The following RASA2 variants were observed in gnomAD, a reference collection of about 807,000 sequenced individuals.
RASA2 encodes ras GTPase-activating protein 2.
Under a neutral mutation model 118.2 loss-of-function variants are expected in RASA2, and 155 were observed. The ratio of observed to expected loss-of-function variants is 1.31; its 90% CI spans 1.15 to 1.50. RASA2 has a LOEUF of 1.50. Among genes scored for constraint, RASA2 ranks in the 40% most tolerant of loss-of-function variants. The pLI is 0.00. For synonymous variants in RASA2, 353 were observed against 349.1 expected (o/e 1.01, Z -0.12); for missense variants, 1,016 against 1,009.6 (o/e 1.01, Z -0.09).
At chr3:141,529,851 TA>T in intron 4 of RASA2, 49 bp downstream of exon 4, 1 of 1,397,874 alleles carries the variant, frequency 7.2e-7, no homozygotes, top group Non-Finnish European at 1.0e-6. Context: ...AGGAAATGAG[TA>T]AAAAATGAAC....
At chr3:141,513,224 T>A (rs1296010197) in intron 2 of RASA2, among the ~76,000 whole-genome samples, 1 of 151,400 alleles carries the variant, frequency 6.6e-6, no homozygotes, top group South Asian at 2.1e-4. Context: ...TTTAAAAAAA[T>A]ATCTTTCTTT....
intron 4 of RASA2, among the ~76,000 whole-genome samples, chr3:141,532,279 C>G (rs940699178): frequency 2.6e-5 from 4 of 152,020 alleles, no homozygotes; most frequent in Non-Finnish European, 1.5e-5. Context: ...ACCACAGTGC[C>G]TTTACTACCT....
In RASA2 at chr3:141,487,129, C is replaced by A; in HGVS notation, c.46C>A (p.Pro16Thr). The change falls in exon 1 of 24, where the codon CCA becomes ACA. Residue 16 changes from proline (P) to threonine (T), a missense_variant. Around this residue, in one of 2 missense-constraint regions of RASA2, gnomAD observed 896 missense variants for 836.4 expected, o/e 1.07. Transcript: ENST00000286364. ...TGCTGCGGCGGCTTCTTCCGAGGCG[C>A]CAGCGGCGAGTGCGACTGCAGAGCC... is the stretch of plus-strand genomic sequence containing the variant. ...PAAAAASSEA[P>T]AASATAEPEA... The A allele has an allele frequency of 6.9e-7, 1 of 1,440,906 alleles. No individual in the cohort carries two copies. Among genetic ancestry groups the A allele is most frequent in the South Asian group, 1.3e-5 (1 of 74,562 alleles). The allele number at this position is 1,440,906 out of a possible 1,614,324, so 89.3% of individuals were successfully genotyped here. A position where few individuals can be genotyped will look rare whatever the true frequency, so the allele number is the denominator to read the frequency against.
intron 1 of RASA2, among the ~76,000 whole-genome samples, chr3:141,505,268 C>G (rs764639294): frequency 1.3e-5 from 2 of 152,152 alleles, no homozygotes; most frequent in Non-Finnish European, 2.9e-5. Flanking sequence ...TGTTATATCC[C>G]CAGCACTTAG....
chr3:141,491,421 TCTC>T (rs2081638621), intron 1 of RASA2, among the ~76,000 whole-genome samples: 1 of 152,188 alleles, frequency 6.6e-6, no homozygotes, highest in Admixed American at 6.5e-5. Context: ...TTTGTTCACT[TCTC>T]CTGTTAGATT....
intron 19 of RASA2, among the ~76,000 whole-genome samples, chr3:141,592,211 G>A (rs553240459): frequency 5.5e-4 from 84 of 152,290 alleles, no homozygotes; most frequent in Admixed American, 2.0e-3. Flanking sequence ...CACTGAGAAA[G>A]TGACATTTGA....
chr3:141,580,687 CG>C (rs2083099317), intron 16 of RASA2, among the ~76,000 whole-genome samples: 1 of 151,938 alleles, frequency 6.6e-6, no homozygotes, highest in Non-Finnish European at 1.5e-5. Context: ...GAAGCCGAAG[CG>C]GGAAGATGAC....
intron 2 of RASA2, 99 bp downstream of exon 2, chr3:141,512,379 C>A: frequency 1.2e-6 from 1 of 831,920 alleles, no homozygotes; most frequent in Non-Finnish European, 1.9e-6. Context: ...AAGACAGAAA[C>A]AGTGCTTGCT....
At chr3:141,580,647 G>GGGC (rs1398517165) in intron 16 of RASA2, among the ~76,000 whole-genome samples, 196 bp downstream of exon 16, 2 of 151,936 alleles carry the variant, frequency 1.3e-5, no homozygotes, top group Non-Finnish European at 2.9e-5. Flanking sequence ...TTCAGAAGCT[G>GGGC]GGCATAGTGA....
chr3:141,512,039 CTAGTGTTTTTTTTTTTTTCTGTG>C, intron 1 of RASA2, 101 bp from the exon 2 acceptor site: 1 of 652,344 alleles, frequency 1.5e-6, no homozygotes, highest in Non-Finnish European at 2.6e-6. Context: ...TCTGTAATCA[CTAGTGTTTTTTTTTTTTTCTGTG>C]CCACATTAAT....
At chr3:141,512,400 T>A in intron 2 of RASA2, 120 bp downstream of exon 2, 1 of 677,834 alleles carries the variant, frequency 1.5e-6, no homozygotes, top group Non-Finnish European at 2.4e-6. Flanking sequence ...TTCATGTGGC[T>A]TTTCATTGCC....
chr3:141,497,757 T>TAA (rs2081725251), intron 1 of RASA2, among the ~76,000 whole-genome samples: 1 of 151,212 alleles, frequency 6.6e-6, no homozygotes, highest in South Asian at 2.1e-4. Context: ...CCCTAGCTAT[T>TAA]AATACTTGGA....
intron 9 of RASA2, among the ~76,000 whole-genome samples, chr3:141,564,451 T>C (rs1378083093): frequency 6.6e-6 from 1 of 152,086 alleles, no homozygotes; most frequent in African/African-American, 2.4e-5. Context: ...ATTAGTTCAA[T>C]AGGAGGAAAA....
intron 9 of RASA2, among the ~76,000 whole-genome samples, chr3:141,563,551 G>A (rs545618608): frequency 3.9e-5 from 6 of 152,202 alleles, no homozygotes; most frequent in African/African-American, 1.4e-4. Flanking sequence ...AATGTTATAT[G>A]TGTAACATTT....
chr3:141,518,952 A>G (rs2082071324), intron 3 of RASA2, among the ~76,000 whole-genome samples: 1 of 152,186 alleles, frequency 6.6e-6, no homozygotes, highest in Non-Finnish European at 1.5e-5. Context: ...TTTATAGAAA[A>G]GTGTTTTATT....
intron 1 of RASA2, among the ~76,000 whole-genome samples, chr3:141,506,131 T>C (rs777110399): frequency 2.0e-5 from 3 of 152,234 alleles, no homozygotes. Context: ...AGAAAAGTGC[T>C]TAAGGAGTAC....
chr3:141,543,876 C>CT (rs529631210), intron 5 of RASA2, among the ~76,000 whole-genome samples: 14,151 of 117,244 alleles, frequency 0.12, 1,207 homozygotes, highest in East Asian at 0.24. Flanking sequence ...TTTCTTTTTT[C>CT]TTTTTTTTTT....
At chr3:141,611,531 A>G (rs1033315214) in intron 23 of RASA2, among the ~76,000 whole-genome samples, 2 of 152,116 alleles carry the variant, frequency 1.3e-5, no homozygotes, top group Admixed American at 6.5e-5. Flanking sequence ...TTGATCCTCA[A>G]ATCAGCCCAA....
chr3:141,501,579 G>A (rs2081782336), intron 1 of RASA2, among the ~76,000 whole-genome samples: 2 of 152,166 alleles, frequency 1.3e-5, no homozygotes, highest in African/African-American at 4.8e-5. Context: ...ATGTTGAAAC[G>A]CAGATGTCTG....
Sources: gnomAD v4.1 joint callset for allele counts (sites outside exome capture counted in the v4.1 genomes callset) on GRCh38, gnomAD v4.1.1 for gene constraint, gnomAD v4.1.1 regional missense constraint, MANE v1.5 for transcripts, NCBI Gene and HGNC (gene_info 2026-07-23, HGNC 2026-07-21) for gene names.